SNX8: variants seen among roughly 807,000 people sequenced by gnomAD.
The protein encoded by SNX8 is sorting nexin 8.
In SNX8, 25 loss-of-function variants were observed where a neutral mutation model predicts 51.6. That is an observed-to-expected ratio of 0.48 (90% CI 0.35 to 0.68). The LOEUF is 0.68. Ranked by LOEUF, SNX8 falls within the 30% of genes least tolerant of loss-of-function variation. The probability of loss-of-function intolerance (pLI) is 0.00; values close to 1 mark genes in which losing one functional copy is unlikely to be tolerated. For synonymous variants in SNX8, 324 were observed against 277.0 expected (o/e 1.17, Z -1.68); for missense variants, 695 against 624.0 (o/e 1.11, Z -1.21).
intron 1 of SNX8, among the ~76,000 whole-genome samples, chr7:2,287,068 G>A (rs997113636): frequency 1.3e-5 from 2 of 151,626 alleles, no homozygotes; most frequent in East Asian, 2.0e-4. Flanking sequence ...AACTCAGGAG[G>A]CAGAGGTTGC....
chr7:2,330,629 C>T (rs910136159), intron 1 of SNX8, among the ~76,000 whole-genome samples: 1 of 151,906 alleles, frequency 6.6e-6, no homozygotes, highest in Non-Finnish European at 1.5e-5. Flanking sequence ...GGAACTGAGC[C>T]CCCAACCTGT....
intron 7 of SNX8, among the ~76,000 whole-genome samples, chr7:2,259,928 A>T (rs529635542): frequency 8.5e-5 from 13 of 152,282 alleles, no homozygotes; most frequent in African/African-American, 2.9e-4. Flanking sequence ...TGGAAGAAGA[A>T]GAATTGTCTT....
chr7:2,310,572 C>G (rs953248335), intron 1 of SNX8, among the ~76,000 whole-genome samples: 5 of 152,108 alleles, frequency 3.3e-5, no homozygotes. Flanking sequence ...TCAAGACCAA[C>G]CTGGCTAACA....
intron 1 of SNX8, among the ~76,000 whole-genome samples, chr7:2,313,423 G>A (rs1163648129): frequency 6.6e-6 from 1 of 151,666 alleles, no homozygotes; most frequent in Non-Finnish European, 1.5e-5. Context: ...CTACTCAGGA[G>A]GCTGAGGCAG....
At chr7:2,285,237 A>T (rs964111009) in intron 1 of SNX8, among the ~76,000 whole-genome samples, 1 of 151,164 alleles carries the variant, frequency 6.6e-6, no homozygotes, top group Admixed American at 6.6e-5. Flanking sequence ...AAAATGCAAA[A>T]AATTAGTTAG....
chr7:2,352,790 C>T (rs1019838514), intron 1 of SNX8, among the ~76,000 whole-genome samples: 6 of 151,698 alleles, frequency 4.0e-5, no homozygotes, highest in East Asian at 1.9e-4. Context: ...GAGCCGAGAT[C>T]GTGCCACTGC....
At chr7:2,304,409 T>A (rs895779138) in intron 1 of SNX8, among the ~76,000 whole-genome samples, 2 of 151,414 alleles carry the variant, frequency 1.3e-5, no homozygotes, top group African/African-American at 4.9e-5. Flanking sequence ...CCAGGCGTGG[T>A]GGCGGGCGCC....
intron 1 of SNX8, among the ~76,000 whole-genome samples, chr7:2,308,240 G>C (rs1796589400): frequency 6.6e-6 from 1 of 151,976 alleles, no homozygotes; most frequent in East Asian, 1.9e-4. Context: ...AGATACTGTG[G>C]TTAAAGAAAA....
rs1473466135 is a variant in SNX8 at position 2,286,870 on chromosome 7, G to C, written c.95-8565C>G. Among the ~76,000 whole-genome samples the C allele has an allele frequency of 2.6e-5, 4 of 152,116 alleles. No homozygotes were observed. The East Asian group carries it at 7.7e-4, about 29-fold the overall frequency. On this transcript the variant is annotated intron_variant, in intron 1 of 10. Transcript: ENST00000222990. Reference sequence around the variant, plus strand: ...AAAATTAATTTTTTGGCCAGGCGAGGTGGCTCACACCTGTGATCGCAGCAC... The same window carrying C: ...AAAATTAATTTTTTGGCCAGGCGAGCTGGCTCACACCTGTGATCGCAGCAC...
chr7:2,309,842 G>C (rs1452125218), intron 1 of SNX8: 4 of 471,018 alleles, frequency 8.5e-6, no homozygotes, highest in African/African-American at 2.0e-5. Context: ...GGGTTGATGG[G>C]AGCCCAGGGT....
Position 2,269,577 on chromosome 7 carries a change from C to G in SNX8, c.603G>C (p.Lys201Asn). 6.3e-7 allele frequency: 1 copy of G among 1,578,480 alleles called. No homozygotes were observed. Among genetic ancestry groups the G allele is most frequent in the Non-Finnish European group, 8.6e-7 (1 of 1,164,254 alleles). ...AAAATACCTTGGCCCTGGTAGCCAG[C>G]TTACAGTTCAGGAATTCGTCCCCGA... ...QCVGDEFLNC[K>N]LATRAKDFLP... The change falls in exon 5 of 11, where the codon AAG (lysine) becomes AAC (asparagine). Residue 201 changes from lysine (K) to asparagine (N), a missense_variant. Coordinates refer to ENST00000222990, the MANE Select transcript of SNX8 (RefSeq NM_013321.4).
chr7:2,351,733 A>G (rs1268608843), intron 1 of SNX8, among the ~76,000 whole-genome samples: 11 of 151,708 alleles, frequency 7.3e-5, no homozygotes, highest in African/African-American at 2.7e-4. Flanking sequence ...CGGGAGGCTG[A>G]GGCAGGAGAA....
chr7:2,347,711 T>C (rs2115251430), intron 1 of SNX8, among the ~76,000 whole-genome samples: 1 of 149,900 alleles, frequency 6.7e-6, no homozygotes, highest in South Asian at 2.1e-4. Context: ...AGTGGTGTGA[T>C]CTCGGCTCAC....
chr7:2,304,016 A>T (rs1224840410), intron 1 of SNX8, among the ~76,000 whole-genome samples: 1 of 151,448 alleles, frequency 6.6e-6, no homozygotes, highest in Non-Finnish European at 1.5e-5. Flanking sequence ...AATACAAAAA[A>T]ATTAGCCAGG....
At chr7:2,289,740 G>A (rs750711633) in intron 1 of SNX8, among the ~76,000 whole-genome samples, 2 of 152,230 alleles carry the variant, frequency 1.3e-5, no homozygotes, top group South Asian at 2.1e-4. Context: ...TTAGTAAAAC[G>A]TAGTACTGTT....
At chr7:2,296,648 C>A (rs1258948287) in intron 1 of SNX8, among the ~76,000 whole-genome samples, 1 of 151,860 alleles carries the variant, frequency 6.6e-6, no homozygotes, top group Admixed American at 6.6e-5. Flanking sequence ...TATTTTGAAA[C>A]AGCCGGGTGT....
rs1795139043 is a variant in SNX8, at chr7:2,254,958, G to A, written c.*98C>T. On this transcript the variant is annotated 3_prime_UTR_variant, in exon 11 of 11. Coordinates refer to ENST00000222990, the MANE Select transcript of SNX8 (RefSeq NM_013321.4). ...TCCAGCTGCAGCACGGGGCGTGGCG[G>A]GGAGGGGAGCTGCCGTCCAAAGGGA... is the stretch of plus-strand genomic sequence containing the variant. 1 of 839,826 alleles carries A rather than the reference G, an allele frequency of 1.2e-6. No homozygotes were observed. Among genetic ancestry groups the A allele is most frequent in the African/African-American group, 1.7e-5 (1 of 59,808 alleles). 52.0% of individuals were successfully genotyped at this position (839,826 alleles called of 1,614,324 possible). A position where few individuals can be genotyped will look rare whatever the true frequency, so the allele number is the denominator to read the frequency against.
At chr7:2,273,902 T>TA (rs560129465) in intron 3 of SNX8, among the ~76,000 whole-genome samples, 3,698 of 125,830 alleles carry the variant, frequency 0.029, 136 homozygotes, top group African/African-American at 0.093. Flanking sequence ...AGACTCCATG[T>TA]AAAAAAAAAA....
intron 1 of SNX8, chr7:2,309,782 A>C (rs1388797205): frequency 4.3e-6 from 2 of 470,514 alleles, no homozygotes; most frequent in African/African-American, 4.0e-5. Context: ...ATTCTGACCA[A>C]CGTATTCACA....
Sources: gnomAD v4.1 joint callset for allele counts (sites outside exome capture counted in the v4.1 genomes callset) on GRCh38, gnomAD v4.1.1 for gene constraint, MANE v1.5 for transcripts, NCBI Gene and HGNC (gene_info 2026-07-23, HGNC 2026-07-21) for gene names.